Variants in SND1 observed in about 807,000 individuals in gnomAD.
The protein encoded by SND1 is staphylococcal nuclease and tudor domain containing 1.
A neutral mutation model predicts 121.7 loss-of-function variants in SND1; 38 were observed. The ratio of observed to expected loss-of-function variants is 0.31; its 90% CI spans 0.24 to 0.41. SND1 has a LOEUF of 0.41. Ranked by LOEUF, SND1 falls within the 10% of genes least tolerant of loss-of-function variation. The pLI, the probability that SND1 is intolerant of heterozygous loss-of-function variation, is 1.00. For missense variants in SND1, 868 were observed against 1,184.6 expected (o/e 0.73, Z 3.92); for synonymous variants, 401 against 447.4 (o/e 0.90, Z 1.31).
intron 10 of SND1, among the ~76,000 whole-genome samples, chr7:127,721,619 G>A (rs540178835): frequency 6.6e-6 from 1 of 152,236 alleles, no homozygotes; most frequent in South Asian, 2.1e-4. Flanking sequence ...CGAATTTCAC[G>A]TGGGCACTGT....
At chr7:128,033,751 A>G (rs2116996061) in intron 16 of SND1, among the ~76,000 whole-genome samples, 1 of 152,318 alleles carries the variant, frequency 6.6e-6, no homozygotes, top group East Asian at 1.9e-4. Flanking sequence ...TTCATTTTAT[A>G]TGAGTCAAAC....
At chr7:127,920,506 A>T (rs574927579) in intron 14 of SND1, among the ~76,000 whole-genome samples, 2 of 152,200 alleles carry the variant, frequency 1.3e-5, no homozygotes, top group Non-Finnish European at 2.9e-5. Context: ...TTAACAAAAA[A>T]TTGTAAGACT....
chr7:128,030,593 G>A lies in SND1; in HGVS notation c.1779+39537G>A, dbSNP rs150427438. ...TGAGGTAGACGAACGGGAGCAGGAT[G>A]GCATTCCAGGTGTGGTGGTGCACAG... is the stretch of plus-strand genomic sequence containing the variant. On this transcript the variant is annotated intron_variant, in intron 16 of 23. Coordinates refer to ENST00000354725, the MANE Select transcript of SND1 (RefSeq NM_014390.4). The A allele has an allele frequency of 1.2e-4, 193 of 1,596,602 alleles. 1 individual carries two copies. In the South Asian group the frequency reaches 1.6e-3, roughly 13 times the overall value.
intron 13 of SND1, among the ~76,000 whole-genome samples, chr7:127,902,744 T>C (rs1800258644): frequency 6.6e-6 from 1 of 151,910 alleles, no homozygotes; most frequent in Non-Finnish European, 1.5e-5. Flanking sequence ...TGAGACAAAG[T>C]CTTGCTCTTT....
At chr7:128,053,749 T>A (rs1440951186) in intron 16 of SND1, among the ~76,000 whole-genome samples, 2 of 152,038 alleles carry the variant, frequency 1.3e-5, no homozygotes, top group East Asian at 3.9e-4. Flanking sequence ...TTTTTCCTGC[T>A]GGTCCTCAAA....
chr7:127,860,518 C>T (rs1394752496), intron 12 of SND1, among the ~76,000 whole-genome samples: 6 of 152,210 alleles, frequency 3.9e-5, no homozygotes, highest in African/African-American at 1.4e-4. Context: ...CCATTAGCCA[C>T]TGATGTGACC....
At chr7:128,051,525 T>G (rs527629721) in intron 16 of SND1, among the ~76,000 whole-genome samples, 13 of 152,326 alleles carry the variant, frequency 8.5e-5, no homozygotes, top group African/African-American at 2.4e-4. Context: ...AAAAATTGCA[T>G]TCATAGAGAA....
At chr7:127,863,483 TAG>T (rs1485659751) in intron 12 of SND1, among the ~76,000 whole-genome samples, 1 of 152,232 alleles carries the variant, frequency 6.6e-6, no homozygotes, top group Non-Finnish European at 1.5e-5. Context: ...ACCTTATCCA[TAG>T]AGTCTTCTCA....
rs150524780 is a variant in SND1 at position 128,089,576 on chromosome 7, G to A, written c.2506G>A (p.Gly836Ser). ...CLLNVEHLSA[G>S]CPHVTLQFAD... ...GCTCAACGTGGAACACCTGAGTGCC[G>A]GCTGCCCCCATGTCACCCTGCAGTT... The change falls in exon 22 of 24, where the codon GGC (glycine) becomes AGC (serine). Residue 836 changes from glycine to serine, a missense_variant. By Grantham distance (56) the Gly-to-Ser change is moderately conservative. Around this residue, in one of 2 missense-constraint regions of SND1, gnomAD observed 743 missense variants for 1,071.3 expected, o/e 0.69. Coordinates refer to ENST00000354725, the MANE Select transcript of SND1 (RefSeq NM_014390.4). 9.1e-4 allele frequency: 1,469 copies of A among 1,614,224 alleles called. 20 individuals carry two copies. The East Asian group carries it at 0.031, about 34-fold the overall frequency.
intron 13 of SND1, among the ~76,000 whole-genome samples, chr7:127,896,709 T>C (rs948196189): frequency 1.3e-5 from 2 of 152,154 alleles, no homozygotes; most frequent in African/African-American, 2.4e-5. Flanking sequence ...TTCTATAGTA[T>C]GTCCCAGCTC....
chr7:127,927,045 C>CA (rs1326779215), intron 14 of SND1, among the ~76,000 whole-genome samples: 1 of 152,060 alleles, frequency 6.6e-6, no homozygotes, highest in African/African-American at 2.4e-5. Context: ...ATTTTTATGA[C>CA]ATGGGTAGCA....
chr7:127,753,488 C>A (rs1443938405), intron 10 of SND1, among the ~76,000 whole-genome samples: 4 of 151,802 alleles, frequency 2.6e-5, no homozygotes, highest in Admixed American at 2.6e-4. Flanking sequence ...TTCCTCTTCC[C>A]CTGCCACCAA....
In SND1 at chr7:128,048,648, C is replaced by T. The variant is rs117250198; in HGVS notation, c.1780-25854C>T. ...CCTGAAAACAGCTTCTCAGTGGTGG[C>T]CTGTCCAGCTGCAGTGGCTGTGGAG... On this transcript the variant is annotated intron_variant, in intron 16 of 23. Transcript: ENST00000354725. Among the ~76,000 whole-genome samples the T allele has an allele frequency of 1.3e-3, 193 of 152,152 alleles. 4 individuals carry two copies. In the East Asian group the frequency reaches 0.03, roughly 24 times the overall value.
Position 128,077,686 on chromosome 7 carries a change from T to C in SND1, c.1968+2996T>C, listed in dbSNP as rs3757748. On this transcript the variant is annotated intron_variant, in intron 17 of 23. Coordinates refer to ENST00000354725, the MANE Select transcript of SND1 (RefSeq NM_014390.4). ...GTCAGCTGGGACAGCCTCTCCACAA[T>C]AGCAGGCTTAGTAACAGCCTCTCCA... Among the ~76,000 whole-genome samples, 44 of 152,190 alleles carry C rather than the reference T, an allele frequency of 2.9e-4. No individual in the cohort carries two copies. The East Asian group carries it at 7.0e-3, about 24-fold the overall frequency.
intron 1 of SND1, among the ~76,000 whole-genome samples, chr7:127,658,833 C>G (rs1443289450): frequency 6.6e-6 from 1 of 152,192 alleles, no homozygotes; most frequent in Non-Finnish European, 1.5e-5. Context: ...ATTGTGATTT[C>G]TGTTTGTAGG....
intron 16 of SND1, among the ~76,000 whole-genome samples, chr7:128,057,479 T>C (rs963114586): frequency 6.6e-6 from 1 of 152,208 alleles, no homozygotes; most frequent in African/African-American, 2.4e-5. Flanking sequence ...TGGCACCTGG[T>C]ATCAGCAGGG....
At chr7:128,003,680 A>T (rs1303933942) in intron 16 of SND1, among the ~76,000 whole-genome samples, 3 of 152,252 alleles carry the variant, frequency 2.0e-5, no homozygotes, top group African/African-American at 7.2e-5. Flanking sequence ...TATATGAGGA[A>T]ATGCAACAAA....
intron 5 of SND1, 42 bp downstream of exon 5, chr7:127,701,365 T>C: frequency 6.3e-7 from 1 of 1,589,972 alleles, no homozygotes; most frequent in Non-Finnish European, 8.6e-7. Context: ...CAGGGTGATT[T>C]CTTTCTGTTT....
At chr7:127,950,951 T>C (rs1429475883) in intron 15 of SND1, among the ~76,000 whole-genome samples, 1 of 152,208 alleles carries the variant, frequency 6.6e-6, no homozygotes, top group Non-Finnish European at 1.5e-5. Context: ...TTTGGAACCC[T>C]TGTGCACTGT....
Sources: gnomAD v4.1 joint callset for allele counts (sites outside exome capture counted in the v4.1 genomes callset) on GRCh38, gnomAD v4.1.1 for gene constraint, gnomAD v4.1.1 regional missense constraint, MANE v1.5 for transcripts, NCBI Gene and HGNC (gene_info 2026-07-23, HGNC 2026-07-21) for gene names.